The following NAALADL2 variants were observed in gnomAD, a reference collection of about 807,000 sequenced individuals.
The protein encoded by NAALADL2 is N-acetylated alpha-linked acidic dipeptidase like 2.
Under a neutral mutation model 87.2 loss-of-function variants are expected in NAALADL2, and 76 were observed. That is an observed-to-expected ratio of 0.87 (90% CI 0.72 to 1.05). The LOEUF (loss-of-function observed/expected upper bound fraction) is 1.05, where lower values mean the gene tolerates loss of function less well. Ranked by LOEUF, NAALADL2 falls within the 50% of genes least tolerant of loss-of-function variation. NAALADL2 has a pLI of 0.00. For missense variants in NAALADL2, 1,089 were observed against 945.8 expected (o/e 1.15, Z -1.99); for synonymous variants, 354 against 331.0 (o/e 1.07, Z -0.75).
intron 4 of NAALADL2, among the ~76,000 whole-genome samples, chr3:175,305,447 T>A (rs1003352119): frequency 1.3e-5 from 2 of 152,226 alleles, no homozygotes; most frequent in African/African-American, 4.8e-5. Flanking sequence ...ATCATGAATG[T>A]CAAATACATG....
intron 1 of NAALADL2, among the ~76,000 whole-genome samples, chr3:174,528,540 G>A (rs1606874): frequency 0.67 from 102,372 of 152,014 alleles, 34,650 homozygotes; most frequent in East Asian, 0.87. Flanking sequence ...AGGTACAAGA[G>A]TTGCTTGAAC....
intron 2 of NAALADL2, among the ~76,000 whole-genome samples, chr3:174,689,878 T>C (rs1278616451): frequency 6.6e-6 from 1 of 152,134 alleles, no homozygotes; most frequent in East Asian, 1.9e-4. Flanking sequence ...TCATTATTGA[T>C]GCTACTCACA....
intron 1 of NAALADL2, among the ~76,000 whole-genome samples, chr3:174,473,193 T>C (rs949140124): frequency 6.6e-6 from 1 of 152,152 alleles, no homozygotes; most frequent in Non-Finnish European, 1.5e-5. Context: ...TTATCTCTTT[T>C]TTATCCCCAA....
At position 175,674,045 on chromosome 3, in the gene NAALADL2, A is replaced by G. The variant is rs116035049; in HGVS notation, c.1896+46659A>G. Among the ~76,000 whole-genome samples the G allele has an allele frequency of 5.1e-3, 771 of 152,170 alleles. 5 individuals carry two copies. The highest frequency in any genetic ancestry group is 0.017 in the African/African-American group (714 of 41,550). ...AATCCTGAAAAAATGGAGATCCTAG[A>G]TTCATTATGCTCTTTTTGCTGTGTT... On this transcript the variant is annotated intron_variant, in intron 11 of 13. Transcript: ENST00000454872.
At chr3:174,549,006 A>T (rs948769997) in intron 1 of NAALADL2, among the ~76,000 whole-genome samples, 3 of 151,982 alleles carry the variant, frequency 2.0e-5, no homozygotes, top group African/African-American at 7.2e-5. Flanking sequence ...ATGCCCGGCT[A>T]ATTTGTGTAT....
chr3:174,702,983 C>T (rs1162786188), intron 2 of NAALADL2, among the ~76,000 whole-genome samples: 1 of 152,118 alleles, frequency 6.6e-6, no homozygotes, highest in East Asian at 1.9e-4. Context: ...GGAAAGAAAA[C>T]AAAGAGCTGA....
chr3:175,151,803 A>G (rs1731588640), intron 2 of NAALADL2, among the ~76,000 whole-genome samples: 1 of 152,224 alleles, frequency 6.6e-6, no homozygotes. Flanking sequence ...AAATAATAGT[A>G]ACAATAAAAA....
At chr3:175,440,186 G>C (rs561077136) in intron 5 of NAALADL2, among the ~76,000 whole-genome samples, 1 of 152,206 alleles carries the variant, frequency 6.6e-6, no homozygotes, top group African/African-American at 2.4e-5. Context: ...TTGAAGATCA[G>C]TTGACTGTAA....
At chr3:174,600,414 T>G (rs539768848) in intron 2 of NAALADL2, among the ~76,000 whole-genome samples, 4 of 152,296 alleles carry the variant, frequency 2.6e-5, no homozygotes, top group Admixed American at 6.5e-5. Context: ...ACATATGTAT[T>G]TCAATATATG....
intron 13 of NAALADL2, 45 bp downstream of exon 13, chr3:175,755,463 A>T: frequency 1.5e-6 from 2 of 1,372,686 alleles, no homozygotes; most frequent in Non-Finnish European, 2.0e-6. Flanking sequence ...CCTACATTAA[A>T]TGTTTATGTT....
intron 2 of NAALADL2, among the ~76,000 whole-genome samples, chr3:175,195,343 A>T (rs1738821489): frequency 6.6e-6 from 1 of 151,858 alleles, no homozygotes; most frequent in Non-Finnish European, 1.5e-5. Context: ...CAAATCAATG[A>T]GTTAATATAT....
intron 2 of NAALADL2, among the ~76,000 whole-genome samples, chr3:175,099,136 C>T (rs541883515): frequency 6.6e-6 from 1 of 152,060 alleles, no homozygotes; most frequent in East Asian, 1.9e-4. Flanking sequence ...TTTTTCAGCA[C>T]CGTAGTCATC....
Position 175,038,093 on chromosome 3 carries a change from C to T in NAALADL2, c.44-58697C>T, listed in dbSNP as rs377039444. Among the ~76,000 whole-genome samples the T allele has an allele frequency of 3.9e-4, 59 of 151,958 alleles. No homozygotes were observed. In the East Asian group the frequency reaches 9.9e-3, roughly 25 times the overall value. On this transcript the variant is annotated intron_variant, in intron 1 of 13. Coordinates refer to ENST00000454872, the MANE Select transcript of NAALADL2 (RefSeq NM_207015.3). ...GTCATGACAGTCCAAAAACCTTGAGCCTAGATGTTTTTTTCTTAGAGTAAA... is the reference window on the plus strand; with the variant it reads ...GTCATGACAGTCCAAAAACCTTGAGTCTAGATGTTTTTTTCTTAGAGTAAA...
intron 9 of NAALADL2, among the ~76,000 whole-genome samples, chr3:175,485,798 C>A (rs1397302642): frequency 6.6e-6 from 1 of 152,182 alleles, no homozygotes; most frequent in Non-Finnish European, 1.5e-5. Context: ...CCCTCACAGA[C>A]ACACCCAGAA....
intron 1 of NAALADL2, among the ~76,000 whole-genome samples, chr3:174,906,372 T>A (rs1732960476): frequency 6.6e-6 from 1 of 152,128 alleles, no homozygotes; most frequent in Non-Finnish European, 1.5e-5. Flanking sequence ...GATTACTACT[T>A]GCCTCTGACT....
intron 9 of NAALADL2, among the ~76,000 whole-genome samples, chr3:175,480,961 C>T (rs892478637): frequency 1.3e-5 from 2 of 151,848 alleles, no homozygotes; most frequent in Non-Finnish European, 1.5e-5. Flanking sequence ...AAACATAATT[C>T]GTCACCTATA....
chr3:175,444,023 C>T (rs561545249), intron 5 of NAALADL2, among the ~76,000 whole-genome samples: 27 of 152,098 alleles, frequency 1.8e-4, no homozygotes, highest in Admixed American at 4.6e-4. Flanking sequence ...ACATGGGGGA[C>T]GTGGCTCATG....
At chr3:175,370,252 A>G (rs2148945524) in intron 5 of NAALADL2, among the ~76,000 whole-genome samples, 1 of 152,322 alleles carries the variant, frequency 6.6e-6, no homozygotes, top group South Asian at 2.1e-4. Flanking sequence ...GATAATGGGA[A>G]AAATCTTCCA....
intron 13 of NAALADL2, among the ~76,000 whole-genome samples, chr3:175,758,412 A>G (rs1197748516): frequency 6.6e-6 from 1 of 151,692 alleles, no homozygotes. Flanking sequence ...ATATTAATTT[A>G]TGTGTGTATA....
Sources: allele counts gnomAD v4.1 joint callset (sites outside exome capture counted in the v4.1 genomes callset), GRCh38; gene constraint gnomAD v4.1.1; transcripts MANE v1.5; gene names NCBI Gene and HGNC (gene_info 2026-07-23, HGNC 2026-07-21).